KANK1: variants seen among roughly 807,000 people sequenced by gnomAD.
The protein encoded by KANK1 is KN motif and ankyrin repeat domain-containing protein 1.
In KANK1, 109 loss-of-function variants were observed where a neutral mutation model predicts 106.2. That is an observed-to-expected ratio of 1.03 (90% CI 0.88 to 1.20). KANK1 has a LOEUF of 1.20. KANK1 is among the 50% of genes most tolerant of loss of function. The pLI is 0.00. For synonymous variants in KANK1, 873 were observed against 652.2 expected (o/e 1.34, Z -5.16); for missense variants, 2,399 against 1,710.7 (o/e 1.40, Z -7.10).
At position 738,435 on chromosome 9, in the gene KANK1, G is replaced by A. The variant is rs189399241; in HGVS notation, c.3484G>A (p.Gly1162Ser). The part of the protein sequence containing the change: ...RYVINLADGN[G>S]NTALHYSVSH... The stretch of plus-strand genomic sequence containing the variant: ...TGTCATCAACTTGGCAGACGGCAAC[G>A]GCAACACAGCCCTCCATTACAGCGT... The change falls in exon 8 of 12, where the codon GGC (glycine) becomes AGC (serine). Residue 1162 changes from glycine (G) to serine (S), a missense_variant. Physicochemically the swap from Gly to Ser is moderately conservative, Grantham distance 56. Coordinates refer to ENST00000382297, the MANE Select transcript of KANK1 (RefSeq NM_015158.5). 118 of 1,614,026 alleles carry A rather than the reference G, an allele frequency of 7.3e-5. 1 individual carries two copies. The Admixed American group carries it at 1.4e-3, about 19-fold the overall frequency.
At chr9:650,064 C>G (rs2137522422) in intron 1 of KANK1, among the ~76,000 whole-genome samples, 1 of 152,278 alleles carries the variant, frequency 6.6e-6, no homozygotes, top group African/African-American at 2.4e-5. Context: ...ATAAAACTGT[C>G]CCTACTGCCA....
In KANK1 at chr9:667,388, G is replaced by C. The variant is rs560553121; in HGVS notation, c.-83-9502G>C. ...TTTTGTTTTGTTGATCTTCAGTAAT[G>C]TTTTAATCTCAATTTCATTTATTTT... On this transcript the variant is annotated intron_variant, in intron 1 of 11. Coordinates refer to ENST00000382297, the MANE Select transcript of KANK1 (RefSeq NM_015158.5). Among the ~76,000 whole-genome samples, 69 of 151,656 alleles carry C rather than the reference G, an allele frequency of 4.5e-4. 1 individual carries two copies. In the South Asian group the frequency reaches 0.014, roughly 30 times the overall value.
rs557183525 is a variant in KANK1 at position 506,718 on chromosome 9, C to T, written c.-84+1964C>T. 6.6e-5 allele frequency among the ~76,000 whole-genome samples: 10 copies of T among 152,214 alleles called. No homozygotes were observed. In the South Asian group the frequency reaches 1.9e-3, roughly 28 times the overall value. On this transcript the variant is annotated intron_variant, in intron 1 of 11. Transcript: ENST00000382297. Reference sequence around the variant, plus strand: ...TAGTTTCATTTCATGAGTATCAGTTCACAAATAGTTCTGAGTTAATGTGTG... The same window carrying T: ...TAGTTTCATTTCATGAGTATCAGTTTACAAATAGTTCTGAGTTAATGTGTG...
intron 1 of KANK1, 64 bp from the exon 2 acceptor site, chr9:676,826 C>T: frequency 3.3e-6 from 2 of 602,408 alleles, no homozygotes; most frequent in Non-Finnish European, 5.8e-6. Context: ...AAACAGAAGT[C>T]TAAGATTTAG....
At chr9:594,344 G>T (rs1165880808) in intron 1 of KANK1, among the ~76,000 whole-genome samples, 1 of 151,930 alleles carries the variant, frequency 6.6e-6, no homozygotes, top group African/African-American at 2.4e-5. Flanking sequence ...ATTGACAGAG[G>T]CTGGCTGGAG....
At chr9:637,820 G>T (rs1230288718) in intron 1 of KANK1, among the ~76,000 whole-genome samples, 2 of 152,130 alleles carry the variant, frequency 1.3e-5, no homozygotes, top group Non-Finnish European at 2.9e-5. Flanking sequence ...CTATTAGACT[G>T]GGACAGATGG....
chr9:734,129 A>C lies in KANK1; in HGVS notation c.3246-619A>C, dbSNP rs541839212. The C allele has an allele frequency of 1.1e-4, 16 of 150,820 alleles. No homozygotes were observed. In the East Asian group the frequency reaches 1.2e-3, roughly 11 times the overall value. 9.3% of individuals were successfully genotyped at this position (150,820 alleles called of 1,614,324 possible). ...GTCTCAAAAAAAAAAAAAAAAAAAAAAAAACTTAAAAATGGCAAAAAAAAA... is the reference window on the plus strand; with the variant it reads ...GTCTCAAAAAAAAAAAAAAAAAAAACAAAACTTAAAAATGGCAAAAAAAAA... On this transcript the variant is annotated intron_variant, in intron 6 of 11. Transcript: ENST00000382297.
At chr9:732,330 T>G (rs758260066) in intron 5 of KANK1, 48 bp from the exon 6 acceptor site, 2 of 1,571,348 alleles carry the variant, frequency 1.3e-6, no homozygotes, top group Non-Finnish European at 1.7e-6. Flanking sequence ...TATCACTGGG[T>G]CTTCGTGAGC....
rs139016439 is a variant in KANK1, at chr9:592,539, C to T, written c.-83-84351C>T. The stretch of plus-strand genomic sequence containing the variant: ...TGTCTAAGTACGTTTTTTCATCCAT[C>T]GCTCAGCCAGAATCTGCCGGTCAGA... On this transcript the variant is annotated intron_variant, in intron 1 of 11. Coordinates refer to ENST00000382297, the MANE Select transcript of KANK1 (RefSeq NM_015158.5). 1.5e-3 allele frequency among the ~76,000 whole-genome samples: 226 copies of T among 151,884 alleles called. 5 individuals are homozygous for T. Among genetic ancestry groups the T allele is most frequent in the East Asian group, 0.011 (58 of 5,184 alleles).
At chr9:620,837 A>G (rs539420423) in intron 1 of KANK1, among the ~76,000 whole-genome samples, 1 of 152,226 alleles carries the variant, frequency 6.6e-6, no homozygotes, top group Non-Finnish European at 1.5e-5. Context: ...TTGATTGGGA[A>G]TAAGAAATAA....
At chr9:619,548 C>A (rs1216537857) in intron 1 of KANK1, among the ~76,000 whole-genome samples, 1 of 152,040 alleles carries the variant, frequency 6.6e-6, no homozygotes, top group East Asian at 1.9e-4. Flanking sequence ...CTTTTGGAAC[C>A]AGTTTTGCTA....
chr9:501,494 A>G (rs2058550233), upstream of KANK1, among the ~76,000 whole-genome samples: 1 of 152,172 alleles, frequency 6.6e-6, no homozygotes, highest in South Asian at 2.1e-4. Context: ...GGGCTTATGT[A>G]TTGACTAAAA....
chr9:538,436 A>G (rs1178758418), intron 1 of KANK1, among the ~76,000 whole-genome samples: 1 of 152,196 alleles, frequency 6.6e-6, no homozygotes, highest in East Asian at 1.9e-4. Context: ...CATTTATAGC[A>G]TTTCAGTAAA....
intron 1 of KANK1, among the ~76,000 whole-genome samples, chr9:670,457 A>C (rs1845617792): frequency 6.6e-6 from 1 of 152,096 alleles, no homozygotes; most frequent in African/African-American, 2.4e-5. Flanking sequence ...TGGTACTTAA[A>C]ACCCAGGTTT....
chr9:656,029 G>C (rs189716388), intron 1 of KANK1, among the ~76,000 whole-genome samples: 136 of 152,284 alleles, frequency 8.9e-4, no homozygotes, highest in Non-Finnish European at 1.5e-3. Flanking sequence ...TGAAAGTTTA[G>C]TAATGCCCCA....
At chr9:708,896 A>C (rs544317199) in intron 2 of KANK1, among the ~76,000 whole-genome samples, 1 of 152,362 alleles carries the variant, frequency 6.6e-6, no homozygotes, top group African/African-American at 2.4e-5. Flanking sequence ...ACAATTTAAA[A>C]AAATAAAAAT....
At chr9:534,398 A>G (rs1304600766) in intron 1 of KANK1, among the ~76,000 whole-genome samples, 1 of 152,216 alleles carries the variant, frequency 6.6e-6, no homozygotes, top group African/African-American at 2.4e-5. Context: ...GGATTTCACT[A>G]TCAACAGAAA....
At chr9:528,087 C>T (rs919408225) in intron 1 of KANK1, among the ~76,000 whole-genome samples, 6 of 150,474 alleles carry the variant, frequency 4.0e-5, no homozygotes, top group African/African-American at 9.8e-5. Context: ...GAGCCGAGAT[C>T]GTGCCACTGC....
chr9:685,012 C>T (rs561222651), intron 2 of KANK1, among the ~76,000 whole-genome samples: 1 of 152,272 alleles, frequency 6.6e-6, no homozygotes, highest in East Asian at 1.9e-4. Context: ...TGTAGAAATT[C>T]TAAGTTCAAA....
Sources: allele counts gnomAD v4.1 joint callset (sites outside exome capture counted in the v4.1 genomes callset), GRCh38; gene constraint gnomAD v4.1.1; transcripts MANE v1.5; gene names NCBI Gene and HGNC (gene_info 2026-07-23, HGNC 2026-07-21).